Variants in ANO3 observed in about 807,000 individuals in gnomAD.
ANO3 encodes the protein anoctamin 3, also known as anoctamin-3.
Under a neutral mutation model 144.8 loss-of-function variants are expected in ANO3, and 99 were observed. That is an observed-to-expected ratio of 0.68 (90% CI 0.58 to 0.81). The LOEUF (loss-of-function observed/expected upper bound fraction) is 0.81, where lower values mean the gene tolerates loss of function less well. Among genes scored for constraint, ANO3 ranks in the 30% least tolerant of loss-of-function variants. The pLI, the probability that ANO3 is intolerant of heterozygous loss-of-function variation, is 0.00. For synonymous variants in ANO3, 414 were observed against 392.6 expected (o/e 1.05, Z -0.64); for missense variants, 905 against 1,202.2 (o/e 0.75, Z 3.66).
At chr11:26,291,137 T>C (rs1853947368) in intron 1 of ANO3, among the ~76,000 whole-genome samples, 1 of 152,230 alleles carries the variant, frequency 6.6e-6, no homozygotes, top group South Asian at 2.1e-4. Flanking sequence ...CTCTTCTTAT[T>C]GAATTGATCC....
At chr11:26,518,918 A>C (rs1167378868) in intron 6 of ANO3, among the ~76,000 whole-genome samples, 9 of 152,068 alleles carry the variant, frequency 5.9e-5, no homozygotes, top group Non-Finnish European at 4.4e-5. Context: ...TTTTCTTTAT[A>C]CTCTTACAAA....
Position 26,516,943 on chromosome 11 carries a change from A to G in ANO3, c.692+16A>G. ...TGCCCTTCAGGTACTTTCAAATTTT[A>G]CTTTATTTTATCTCAATATATATTA... On this transcript the variant is annotated intron_variant, in intron 6 of 26. Coordinates refer to ENST00000256737, the MANE Select transcript of ANO3 (RefSeq NM_031418.4). The G allele has an allele frequency of 1.3e-6, 2 of 1,511,752 alleles. No homozygotes were observed. Among genetic ancestry groups the G allele is most frequent in the Non-Finnish European group, 1.8e-6 (2 of 1,092,128 alleles). 93.6% of individuals were successfully genotyped at this position (1,511,752 alleles called of 1,614,324 possible). A position where few individuals can be genotyped will look rare whatever the true frequency, so the allele number is the denominator to read the frequency against.
rs532060400 is a variant in ANO3 at position 26,373,101 on chromosome 11, C to A, written c.46+40780C>A. Among the ~76,000 whole-genome samples the A allele has an allele frequency of 1.8e-4, 28 of 152,194 alleles. No homozygotes were observed. The East Asian group carries it at 5.4e-3, about 29-fold the overall frequency. ...TGCATGGCAATTATGTATATACGGG[C>A]AGACACACACACACATATAAATGTA... On this transcript the variant is annotated intron_variant, in intron 1 of 26. Coordinates refer to ENST00000256737, the MANE Select transcript of ANO3 (RefSeq NM_031418.4).
At chr11:26,448,681 GCT>G (rs1858801025) in intron 3 of ANO3, among the ~76,000 whole-genome samples, 1 of 152,016 alleles carries the variant, frequency 6.6e-6, no homozygotes, top group Admixed American at 6.6e-5. Context: ...ATATTCCTAA[GCT>G]ACTTAAGATT....
rs1023027879 is a variant in ANO3 at position 26,661,488 on chromosome 11, C to T, written c.*1044C>T. On this transcript the variant is annotated 3_prime_UTR_variant, in exon 27 of 27. Transcript: ENST00000256737. The stretch of plus-strand genomic sequence containing the variant: ...GAGGCCAGATGCTCTGCAACACTTA[C>T]GCTTTTTCAACAATGTGCACTCTTA... The T allele has an allele frequency of 2.6e-5, 4 of 152,452 alleles. No individual in the cohort carries two copies. Among genetic ancestry groups the T allele is most frequent in the African/African-American group, 4.8e-5 (2 of 41,418 alleles). 9.4% of individuals were successfully genotyped at this position (152,452 alleles called of 1,614,324 possible).
At chr11:26,565,490 A>G in intron 14 of ANO3, 1 of 1,613,446 alleles carries the variant, frequency 6.2e-7, no homozygotes, top group Non-Finnish European at 8.5e-7. Flanking sequence ...CTATAGGTGC[A>G]TTCCAAGGCA....
intron 1 of ANO3, among the ~76,000 whole-genome samples, chr11:26,336,445 C>T (rs1229656419): frequency 2.6e-5 from 4 of 152,216 alleles, no homozygotes; most frequent in Non-Finnish European, 4.4e-5. Flanking sequence ...TTACTACTCA[C>T]ATAACTCATT....
intron 7 of ANO3, among the ~76,000 whole-genome samples, chr11:26,527,191 A>G (rs1849184827): frequency 6.6e-6 from 1 of 152,120 alleles, no homozygotes; most frequent in Non-Finnish European, 1.5e-5. Flanking sequence ...TCCTAACGAA[A>G]CATTTTTAAT....
In ANO3 at chr11:26,367,481, G is replaced by A. The variant is rs185859768; in HGVS notation, c.46+35160G>A. Among the ~76,000 whole-genome samples the A allele has an allele frequency of 7.1e-4, 107 of 151,570 alleles. 1 individual carries two copies. The highest frequency in any genetic ancestry group is 1.9e-3 in the South Asian group (9 of 4,774). ...GATCACAACTATTTAATCACCCTCC[G>A]AGAAGTTCCAAACTTTCCCTCATCT... On this transcript the variant is annotated intron_variant, in intron 1 of 26. Coordinates refer to ENST00000256737, the MANE Select transcript of ANO3 (RefSeq NM_031418.4).
chr11:26,313,885 A>T (rs1854562411), intron 1 of ANO3, among the ~76,000 whole-genome samples: 1 of 148,844 alleles, frequency 6.7e-6, no homozygotes, highest in South Asian at 2.1e-4. Flanking sequence ...AATATAATAT[A>T]ATATAATATA....
intron 21 of ANO3, among the ~76,000 whole-genome samples, chr11:26,639,982 A>T (rs879051578): frequency 6.6e-6 from 1 of 152,052 alleles, no homozygotes; most frequent in Admixed American, 6.6e-5. Context: ...TTGATGAAGT[A>T]AGTAGCTTGG....
At chr11:26,514,768 T>C (rs1190036852) in intron 5 of ANO3, among the ~76,000 whole-genome samples, 4 of 152,054 alleles carry the variant, frequency 2.6e-5, no homozygotes, top group African/African-American at 7.2e-5. Flanking sequence ...ATAATAAAAC[T>C]TAACACGTCT....
chr11:26,567,288 A>T (rs1003511494), intron 14 of ANO3: 12 of 464,016 alleles, frequency 2.6e-5, no homozygotes, highest in Middle Eastern at 3.3e-4. Flanking sequence ...TACTGATTTC[A>T]TGTTTTTGAA....
chr11:26,541,760 T>A lies in ANO3; in HGVS notation c.1033-187T>A, dbSNP rs561324158. ...TTTAATAAAAGATTTTTAATAACTA[T>A]CGGACTATTTTTAATGAAAGATATG... On this transcript the variant is annotated intron_variant, in intron 10 of 26. Coordinates refer to ENST00000256737, the MANE Select transcript of ANO3 (RefSeq NM_031418.4). Among the ~76,000 whole-genome samples the A allele has an allele frequency of 4.6e-5, 7 of 152,320 alleles. No individual in the cohort carries two copies. In the East Asian group the frequency reaches 1.4e-3, roughly 29 times the overall value.
At chr11:26,278,465 GT>G (rs980338185) in intron 1 of ANO3, among the ~76,000 whole-genome samples, 2 of 152,050 alleles carry the variant, frequency 1.3e-5, no homozygotes, top group African/African-American at 4.8e-5. Flanking sequence ...TTAAGACTGG[GT>G]TTTTTAAATT....
chr11:26,553,238 T>TTTTTTTTTTTTG lies in ANO3; in HGVS notation c.1290-7_1290-6insTTTTTTTGTTTT. 1 of 1,538,856 alleles carries TTTTTTTTTTTTG rather than the reference T, an allele frequency of 6.5e-7. No individual in the cohort carries two copies. The highest frequency in any genetic ancestry group is 1.7e-5 in the Admixed American group (1 of 57,924). ...TGTTTTGTTTTGTTTTTGTTTTTGTTTTTTCTCAAGCCAAGAAATTTGTAA... is the reference window on the plus strand; with the variant it reads ...TGTTTTGTTTTGTTTTTGTTTTTGTTTTTTTTTTTTTGTTTTCTCAAGCCAAGAAATTTGTAA... On this transcript the variant is annotated splice_polypyrimidine_tract_variant and intron_variant, in intron 12 of 26. Transcript: ENST00000256737.
At chr11:26,306,308 C>T (rs74233714), upstream of ANO3, among the ~76,000 whole-genome samples, 127 of 152,016 alleles carry the variant, frequency 8.4e-4, 2 homozygotes, top group East Asian at 0.024. Context: ...AGAACTTAAT[C>T]CTTATATAGA....
intron 7 of ANO3, among the ~76,000 whole-genome samples, chr11:26,527,441 T>C (rs534715190): frequency 1.3e-5 from 2 of 152,208 alleles, no homozygotes; most frequent in East Asian, 3.9e-4. Flanking sequence ...TCTATGTCTT[T>C]GTGGATTCAT....
chr11:26,514,809 A>G (rs551643317), intron 5 of ANO3, among the ~76,000 whole-genome samples: 1 of 152,204 alleles, frequency 6.6e-6, no homozygotes, highest in African/African-American at 2.4e-5. Flanking sequence ...GAGTCATTCA[A>G]ATAGATGTAT....
Sources: allele counts gnomAD v4.1 joint callset (sites outside exome capture counted in the v4.1 genomes callset), GRCh38; gene constraint gnomAD v4.1.1; transcripts MANE v1.5; gene names NCBI Gene and HGNC (gene_info 2026-07-23, HGNC 2026-07-21).